INPP5D: variants seen among roughly 807,000 people sequenced by gnomAD.
INPP5D encodes inositol polyphosphate-5-phosphatase D.
INPP5D carries 33 observed loss-of-function variants against 122.9 expected under a neutral mutation model. That is an observed-to-expected ratio of 0.27 (90% CI 0.20 to 0.36). INPP5D has a LOEUF of 0.36. Among genes scored for constraint, INPP5D ranks in the 10% least tolerant of loss-of-function variants. INPP5D has a pLI of 1.00. For synonymous variants in INPP5D, 584 were observed against 576.2 expected (o/e 1.01, Z -0.19); for missense variants, 1,053 against 1,412.7 (o/e 0.75, Z 4.08).
At position 233,206,163 on chromosome 2, in the gene INPP5D, A is replaced by G. The variant is rs1028768723; in HGVS notation, c.3568-543A>G. ...CTGTGCCTTGAGCCTCAGTTTACCC[A>G]TCTGTAAAAAGGGGCTGTTAATAGT... is the stretch of plus-strand genomic sequence containing the variant. On this transcript the variant is annotated intron_variant, in intron 26 of 26. Transcript: ENST00000445964. The surrounding 1 kb of genome is among the most constrained non-coding windows in gnomAD (Gnocchi z 4.0). Among the ~76,000 whole-genome samples, 1 of 152,126 alleles carries G rather than the reference A, an allele frequency of 6.6e-6. No homozygotes were observed. Among genetic ancestry groups the G allele is most frequent in the Non-Finnish European group, 1.5e-5 (1 of 68,026 alleles).
chr2:233,061,847 C>T (rs11888284), intron 1 of INPP5D, among the ~76,000 whole-genome samples: 6,052 of 152,312 alleles, frequency 0.04, 361 homozygotes, highest in African/African-American at 0.12. Context: ...TCCAGCGGGG[C>T]AGGCATGTAG....
intron 2 of INPP5D, among the ~76,000 whole-genome samples, chr2:233,087,168 G>A (rs535905992): frequency 2.0e-5 from 3 of 152,138 alleles, no homozygotes; most frequent in South Asian, 2.1e-4. Context: ...AGGCCACTTC[G>A]GGTTTGCCAA....
At chr2:233,113,558 G>C (rs1339105135) in intron 2 of INPP5D, among the ~76,000 whole-genome samples, 2 of 152,142 alleles carry the variant, frequency 1.3e-5, no homozygotes, top group Non-Finnish European at 2.9e-5. Flanking sequence ...TGGGACTGAA[G>C]GAGGCCTCAA....
chr2:233,193,169 G>A (rs1415273170), intron 22 of INPP5D, among the ~76,000 whole-genome samples: 3 of 152,240 alleles, frequency 2.0e-5, no homozygotes, highest in East Asian at 1.9e-4. Context: ...GATTACAGGC[G>A]TGAGCCACCA....
chr2:233,166,412 C>T (rs907302552), intron 13 of INPP5D, among the ~76,000 whole-genome samples: 1 of 152,166 alleles, frequency 6.6e-6, no homozygotes, highest in Non-Finnish European at 1.5e-5. Context: ...GAAGCCAGTT[C>T]CTGGGAGGGA....
rs2106332127 is a variant in INPP5D, at chr2:233,206,057, CGACA to C, written c.3568-646_3568-643del. ...TCGCAACACTGCACTCCAGCCTGGG[CGACA>C]GAGTGAGACTCCATCTCAAAAAAGA... On this transcript the variant is annotated intron_variant, in intron 26 of 26. Transcript: ENST00000445964. This position sits in a 1 kb window ranked among gnomAD's most constrained non-coding sequence, Gnocchi z 4.0. Among the ~76,000 whole-genome samples, 1 of 152,156 alleles carries C rather than the reference CGACA, an allele frequency of 6.6e-6. No homozygotes were observed. The highest frequency in any genetic ancestry group is 2.1e-4 in the South Asian group (1 of 4,816).
chr2:233,167,452 T>C (rs778038663), intron 13 of INPP5D, among the ~76,000 whole-genome samples: 11 of 152,146 alleles, frequency 7.2e-5, no homozygotes, highest in Non-Finnish European at 1.5e-4. Flanking sequence ...ATGGAGATGA[T>C]CCATAACTTG....
chr2:233,064,241 AG>A (rs1161116802), intron 1 of INPP5D, among the ~76,000 whole-genome samples: 2 of 152,154 alleles, frequency 1.3e-5, no homozygotes, highest in Non-Finnish European at 2.9e-5. Context: ...CTCCAGAGAG[AG>A]GGGGCTTCCC....
intron 9 of INPP5D, among the ~76,000 whole-genome samples, chr2:233,153,079 T>C (rs993048428): frequency 6.6e-6 from 1 of 152,180 alleles, no homozygotes; most frequent in Admixed American, 6.5e-5. Flanking sequence ...ATCGATACCA[T>C]GTAACAGGAC....
chr2:233,075,132 C>A (rs918610218), intron 1 of INPP5D, among the ~76,000 whole-genome samples: 4 of 152,168 alleles, frequency 2.6e-5, no homozygotes, highest in African/African-American at 9.7e-5. Context: ...CTGTCATCAC[C>A]CAGCACCTGT....
rs376212282 is a variant in INPP5D, at chr2:233,195,522, G to T, written c.2693+27G>T. The stretch of plus-strand genomic sequence containing the variant: ...TAAAGTGGGCGTGGGGTGGGTGTTG[G>T]GGGGGGTGGATATCAGGGACTCATG... On this transcript the variant is annotated intron_variant, in intron 24 of 26. Coordinates refer to ENST00000445964, the MANE Select transcript of INPP5D (RefSeq NM_001017915.3). 1,737 of 1,612,508 alleles carry T rather than the reference G, an allele frequency of 1.1e-3. 15 individuals are homozygous for T. In the African/African-American group the frequency reaches 0.018, roughly 17 times the overall value.
intron 8 of INPP5D, among the ~76,000 whole-genome samples, chr2:233,146,940 C>A (rs1301518276): frequency 6.6e-6 from 1 of 152,126 alleles, no homozygotes; most frequent in East Asian, 1.9e-4. Flanking sequence ...AGACCCGCAC[C>A]CCCTCCGCCA....
intron 10 of INPP5D, 47 bp from the exon 11 acceptor site, chr2:233,161,677 C>T: frequency 6.4e-7 from 1 of 1,568,978 alleles, no homozygotes; most frequent in Non-Finnish European, 8.6e-7. Context: ...GTGTAATGTG[C>T]AGGGAGGCAG....
intron 3 of INPP5D, among the ~76,000 whole-genome samples, chr2:233,122,980 T>C (rs756939888): frequency 6.6e-5 from 10 of 152,210 alleles, no homozygotes; most frequent in Non-Finnish European, 1.5e-4. Context: ...TACATATTCA[T>C]AGTAAGCACT....
At chr2:233,098,668 C>T (rs940346242) in intron 2 of INPP5D, among the ~76,000 whole-genome samples, 1 of 152,190 alleles carries the variant, frequency 6.6e-6, no homozygotes, top group African/African-American at 2.4e-5. Flanking sequence ...CCATTCCGCA[C>T]GCCCCTCTTA....
Position 233,183,512 on chromosome 2 carries a change from G to A in INPP5D, c.2162-896G>A, listed in dbSNP as rs562233551. Reference sequence around the variant, plus strand: ...CTTTCTAGAATCTTCCTAGTCCTTAGGCAGGACCTCTTCCCCGACTTCCAC... The same window carrying A: ...CTTTCTAGAATCTTCCTAGTCCTTAAGCAGGACCTCTTCCCCGACTTCCAC... On this transcript the variant is annotated intron_variant, in intron 19 of 26. Transcript: ENST00000445964. This position sits in a 1 kb window ranked among gnomAD's most constrained non-coding sequence, Gnocchi z 4.6. Among the ~76,000 whole-genome samples the A allele has an allele frequency of 6.6e-6, 1 of 152,230 alleles. No homozygotes were observed. The highest frequency in any genetic ancestry group is 2.1e-4 in the South Asian group (1 of 4,824).
intron 14 of INPP5D, chr2:233,169,740 C>G: frequency 1.7e-6 from 1 of 590,746 alleles, no homozygotes; most frequent in South Asian, 2.2e-5. Flanking sequence ...GGAATGAAGA[C>G]AGCCATCTAG....
At chr2:233,090,041 C>A (rs1691951064) in intron 2 of INPP5D, among the ~76,000 whole-genome samples, 1 of 152,222 alleles carries the variant, frequency 6.6e-6, no homozygotes, top group African/African-American at 2.4e-5. Context: ...GACCCGGTGT[C>A]TGTCTCCCCC....
intron 4 of INPP5D, among the ~76,000 whole-genome samples, chr2:233,127,274 C>T (rs554340978): frequency 1.5e-3 from 230 of 152,310 alleles, no homozygotes; most frequent in Admixed American, 2.9e-3. Flanking sequence ...GTGGAACCTT[C>T]CTAAAACTTC....
Sources: gnomAD v4.1 joint callset for allele counts (sites outside exome capture counted in the v4.1 genomes callset) on GRCh38, gnomAD v4.1.1 for gene constraint, Gnocchi (gnomAD v3.1) non-coding constraint, MANE v1.5 for transcripts, NCBI Gene and HGNC (gene_info 2026-07-23, HGNC 2026-07-21) for gene names.